The following MON2 variants were observed in gnomAD, a reference collection of about 807,000 sequenced individuals.
MON2 encodes the protein protein MON2 homolog.
MON2 carries 84 observed loss-of-function variants against 208.6 expected under a neutral mutation model. That is an observed-to-expected ratio of 0.40 (90% CI 0.34 to 0.48). The LOEUF is 0.48. Ranked by LOEUF, MON2 falls within the 20% of genes least tolerant of loss-of-function variation. MON2 has a pLI of 0.59. For synonymous variants in MON2, 660 were observed against 694.0 expected (o/e 0.95, Z 0.77); for missense variants, 1,611 against 2,015.4 (o/e 0.80, Z 3.84).
intron 8 of MON2, among the ~76,000 whole-genome samples, chr12:62,513,181 A>G (rs1234393152): frequency 1.3e-5 from 2 of 152,136 alleles, no homozygotes; most frequent in East Asian, 1.9e-4. Context: ...ACTTATGCAA[A>G]TCTCTACAGC....
At chr12:62,511,823 A>G (rs775373644) in intron 8 of MON2, among the ~76,000 whole-genome samples, 3 of 152,178 alleles carry the variant, frequency 2.0e-5, no homozygotes, top group Non-Finnish European at 4.4e-5. Flanking sequence ...GAGTTGTATT[A>G]GTTTTTACAC....
chr12:62,495,847 A>C (rs2070447142), intron 4 of MON2, among the ~76,000 whole-genome samples: 1 of 152,170 alleles, frequency 6.6e-6, no homozygotes, highest in Non-Finnish European at 1.5e-5. Flanking sequence ...TTCACCATTT[A>C]TACTAGATAA....
intron 2 of MON2, among the ~76,000 whole-genome samples, chr12:62,492,273 G>T (rs553979744): frequency 8.4e-4 from 128 of 151,480 alleles, no homozygotes; most frequent in African/African-American, 3.0e-3. Context: ...ATTACTTTGT[G>T]TCAATTTCTT....
At chr12:62,533,097 A>G (rs181963467) in intron 12 of MON2, among the ~76,000 whole-genome samples, 23 of 152,258 alleles carry the variant, frequency 1.5e-4, no homozygotes, top group Non-Finnish European at 2.8e-4. Flanking sequence ...CTTGTTTTAT[A>G]TGACCTTACT....
Position 62,544,461 on chromosome 12 carries a change from A to ATAAAATAAATAATAG in MON2, c.2467-425_2467-424insTAGTAAAATAAATAA, listed in dbSNP as rs1555171585. 1.5e-4 allele frequency among the ~76,000 whole-genome samples: 23 copies of ATAAAATAAATAATAG among 152,172 alleles called. No individual in the cohort carries two copies. The South Asian group carries it at 4.8e-3, about 32-fold the overall frequency. On this transcript the variant is annotated intron_variant, in intron 20 of 34. Coordinates refer to ENST00000393630, the MANE Select transcript of MON2 (RefSeq NM_015026.3). ...AGACTGTGTCTCAAAAATAATAATA[A>ATAAAATAAATAATAG]TAAAATAAATAAGAAAAACAGATGT...
chr12:62,588,490 A>T (rs952325814), intron 34 of MON2, among the ~76,000 whole-genome samples: 11 of 152,064 alleles, frequency 7.2e-5, no homozygotes, highest in African/African-American at 2.4e-4. Context: ...AAAGGGCTTT[A>T]TCATCTATTC....
intron 7 of MON2, among the ~76,000 whole-genome samples, chr12:62,506,000 G>C (rs551560887): frequency 2.0e-5 from 3 of 152,236 alleles, no homozygotes; most frequent in African/African-American, 7.2e-5. Flanking sequence ...ATAATGAGAA[G>C]TGGAGAAGTA....
At position 62,526,170 on chromosome 12, in the gene MON2, T is replaced by C. The variant is rs967393379; in HGVS notation, c.1400+68T>C. 19 of 1,453,540 alleles carry C rather than the reference T, an allele frequency of 1.3e-5. No individual in the cohort carries two copies. In the Admixed American group the frequency reaches 3.6e-4, roughly 27 times the overall value. 90.0% of individuals were successfully genotyped at this position (1,453,540 alleles called of 1,614,324 possible). A position where few individuals can be genotyped will look rare whatever the true frequency, so the allele number is the denominator to read the frequency against. ...GGGGTGATATTTAACCTAAAATTCT[T>C]CTCTATTGTATTTTAAATTTTAGAC... On this transcript the variant is annotated intron_variant, in intron 11 of 34. Transcript: ENST00000393630.
chr12:62,484,572 T>C (rs1230474769), intron 2 of MON2, among the ~76,000 whole-genome samples: 1 of 152,234 alleles, frequency 6.6e-6, no homozygotes, highest in African/African-American at 2.4e-5. Context: ...ATTTGTTCCA[T>C]TGTATTGAAT....
intron 24 of MON2, chr12:62,553,405 G>A (rs1033983076): frequency 5.3e-5 from 20 of 378,610 alleles, no homozygotes; most frequent in African/African-American, 4.0e-4. Flanking sequence ...TATATCTCTC[G>A]TGATTTCTGC....
intron 34 of MON2, 74 bp from the exon 35 acceptor site, chr12:62,592,512 G>A (rs1029474658): frequency 8.1e-7 from 1 of 1,228,444 alleles, no homozygotes; most frequent in African/African-American, 1.5e-5. Flanking sequence ...GCAGTTTAAA[G>A]GATTGTGTTC....
intron 1 of MON2, among the ~76,000 whole-genome samples, chr12:62,477,413 T>G (rs2069148044): frequency 6.6e-6 from 1 of 152,084 alleles, no homozygotes; most frequent in Non-Finnish European, 1.5e-5. Flanking sequence ...CATGATTAAC[T>G]TAATCTACTT....
intron 1 of MON2, among the ~76,000 whole-genome samples, chr12:62,477,511 G>GA (rs1252862336): frequency 6.6e-6 from 1 of 151,542 alleles, no homozygotes; most frequent in East Asian, 1.9e-4. Context: ...CTGTAGCCTC[G>GA]ACCTCCTGAG....
intron 32 of MON2, 76 bp downstream of exon 32, chr12:62,580,496 A>G: frequency 2.3e-6 from 3 of 1,332,314 alleles, no homozygotes; most frequent in Admixed American, 2.0e-5. Flanking sequence ...GTTTAATCCT[A>G]TGATTTTGGT....
intron 7 of MON2, among the ~76,000 whole-genome samples, chr12:62,502,546 AGAC>A (rs1356850111): frequency 6.6e-6 from 1 of 152,162 alleles, no homozygotes; most frequent in African/African-American, 2.4e-5. Flanking sequence ...GAATCTCTAG[AGAC>A]AATCTATTAA....
chr12:62,492,595 T>G, intron 2 of MON2, among the ~76,000 whole-genome samples: 1 of 147,940 alleles, frequency 6.8e-6, no homozygotes, highest in Admixed American at 6.7e-5. Context: ...ATGGTCTCGA[T>G]CTCCTGACCT....
Position 62,524,501 on chromosome 12 carries a change from T to C in MON2, c.985-14T>C. On this transcript the variant is annotated splice_polypyrimidine_tract_variant and intron_variant, in intron 8 of 34. Coordinates refer to ENST00000393630, the MANE Select transcript of MON2 (RefSeq NM_015026.3). ...TGATTCAAAGAAATAGTATTAAAAA[T>C]CATATATTTTTAGGTAACTGAATGT... 1 of 1,590,458 alleles carries C rather than the reference T, an allele frequency of 6.3e-7. No homozygotes were observed. Among genetic ancestry groups the C allele is most frequent in the Non-Finnish European group, 8.6e-7 (1 of 1,160,126 alleles).
chr12:62,474,841 C>T (rs2068984815), intron 1 of MON2, among the ~76,000 whole-genome samples: 1 of 151,964 alleles, frequency 6.6e-6, no homozygotes, highest in South Asian at 2.1e-4. Flanking sequence ...ATTTGGCTAT[C>T]TTCTCTCCCT....
In MON2 at chr12:62,533,563, A is replaced by G. The variant is rs565512560; in HGVS notation, c.1633+893A>G. On this transcript the variant is annotated intron_variant, in intron 12 of 34. Transcript: ENST00000393630. ...AAGATGACCCGTGTGTCCTTTGGAC[A>G]TGTCCCATGCCCTTTTGACATTCTC... 5.9e-5 allele frequency among the ~76,000 whole-genome samples: 9 copies of G among 152,324 alleles called. No individual in the cohort carries two copies. The East Asian group carries it at 1.4e-3, about 23-fold the overall frequency.
Sources: allele counts gnomAD v4.1 joint callset (sites outside exome capture counted in the v4.1 genomes callset), GRCh38; gene constraint gnomAD v4.1.1; transcripts MANE v1.5; gene names NCBI Gene and HGNC (gene_info 2026-07-23, HGNC 2026-07-21).